TMEM108: variants seen among roughly 807,000 people sequenced by gnomAD.
TMEM108 encodes the protein cancer/testis antigen 124.
TMEM108 carries 12 observed loss-of-function variants against 35.1 expected under a neutral mutation model. The observed-to-expected ratio is 0.34, with a 90% CI of 0.22 to 0.55. The LOEUF is 0.55. Among genes scored for constraint, TMEM108 ranks in the 20% least tolerant of loss-of-function variants. TMEM108 has a pLI of 0.89. For missense variants in TMEM108, 680 were observed against 753.3 expected, an observed-to-expected ratio of 0.90 and a Z score of 1.14; for synonymous variants, 287 against 308.6, an observed-to-expected ratio of 0.93 and a Z score of 0.73.
intron 3 of TMEM108, among the ~76,000 whole-genome samples, chr3:133,364,868 A>G (rs1032823249): frequency 6.6e-6 from 1 of 152,222 alleles, no homozygotes; most frequent in Non-Finnish European, 1.5e-5. Context: ...TCAGGAAAGT[A>G]AGAGAAGCCG....
chr3:133,236,104 T>G (rs1427802615), intron 3 of TMEM108, among the ~76,000 whole-genome samples: 1 of 152,132 alleles, frequency 6.6e-6, no homozygotes, highest in Non-Finnish European at 1.5e-5. Context: ...ATCAGAATAG[T>G]TTAAATACTT....
intron 3 of TMEM108, among the ~76,000 whole-genome samples, chr3:133,303,941 A>G (rs1370310930): frequency 1.3e-5 from 2 of 152,144 alleles, no homozygotes; most frequent in East Asian, 1.9e-4. Context: ...GGCTCATGCT[A>G]CATAATCCAG....
chr3:133,331,627 C>T (rs989616125), intron 3 of TMEM108, among the ~76,000 whole-genome samples: 7 of 152,180 alleles, frequency 4.6e-5, no homozygotes, highest in East Asian at 1.9e-4. Context: ...TATGTCAGTG[C>T]CATTTATAGA....
chr3:133,268,004 T>A (rs1198409543), intron 3 of TMEM108, among the ~76,000 whole-genome samples: 3 of 152,200 alleles, frequency 2.0e-5, no homozygotes, highest in Non-Finnish European at 4.4e-5. Flanking sequence ...ATTGAGTAGA[T>A]CTTGAAGCTG....
At chr3:133,135,597 A>G (rs1399887603) in intron 2 of TMEM108, among the ~76,000 whole-genome samples, 1 of 152,222 alleles carries the variant, frequency 6.6e-6, no homozygotes, top group East Asian at 1.9e-4. Flanking sequence ...GGGGACTGGC[A>G]TGATTAGATG....
At chr3:133,317,559 C>G (rs2107716186) in intron 3 of TMEM108, among the ~76,000 whole-genome samples, 1 of 152,070 alleles carries the variant, frequency 6.6e-6, no homozygotes, top group African/African-American at 2.4e-5. Flanking sequence ...AACACCAGAC[C>G]TAATTTTGAA....
At chr3:133,144,792 C>T (rs961970101) in intron 2 of TMEM108, among the ~76,000 whole-genome samples, 8 of 152,208 alleles carry the variant, frequency 5.3e-5, no homozygotes, top group Admixed American at 2.6e-4. Flanking sequence ...TCATGTCCTT[C>T]GCCCACTTTT....
At chr3:133,364,834 G>A (rs2072456939) in intron 3 of TMEM108, among the ~76,000 whole-genome samples, 1 of 152,186 alleles carries the variant, frequency 6.6e-6, no homozygotes, top group African/African-American at 2.4e-5. Flanking sequence ...AGGTTTTCCA[G>A]AAGTACTGCC....
intron 3 of TMEM108, among the ~76,000 whole-genome samples, chr3:133,370,746 C>T (rs955358008): frequency 1.3e-5 from 2 of 152,166 alleles, no homozygotes; most frequent in Non-Finnish European, 2.9e-5. Context: ...TGAGTTTATG[C>T]TCCTGTCACC....
chr3:133,131,800 A>G (rs1944494240), intron 2 of TMEM108, among the ~76,000 whole-genome samples: 1 of 152,160 alleles, frequency 6.6e-6, no homozygotes, highest in Admixed American at 6.5e-5. Flanking sequence ...AAGGAAATTA[A>G]AAGTCCTACT....
chr3:133,159,136 A>T (rs1379999061), intron 2 of TMEM108, among the ~76,000 whole-genome samples: 2 of 152,214 alleles, frequency 1.3e-5, no homozygotes, highest in African/African-American at 4.8e-5. Context: ...GGTTTCTGAT[A>T]GATCATCCTC....
At chr3:133,228,273 T>A (rs1235392542) in intron 2 of TMEM108, among the ~76,000 whole-genome samples, 8 of 151,618 alleles carry the variant, frequency 5.3e-5, no homozygotes. Flanking sequence ...TAGTAGAGAA[T>A]TGTTAAAGAA....
At chr3:133,078,191 A>T (rs1370637382) in intron 2 of TMEM108, among the ~76,000 whole-genome samples, 1 of 114,920 alleles carries the variant, frequency 8.7e-6, no homozygotes, top group East Asian at 2.5e-4. Context: ...GTGTGTGTAT[A>T]TCTCAGATCT....
chr3:133,125,994 G>GCTGA (rs1944410939), intron 2 of TMEM108, among the ~76,000 whole-genome samples: 1 of 152,096 alleles, frequency 6.6e-6, no homozygotes, highest in African/African-American at 2.4e-5. Context: ...CCGTATGCTG[G>GCTGA]CTGACTGACA....
intron 2 of TMEM108, among the ~76,000 whole-genome samples, chr3:133,052,228 A>T (rs1943413819): frequency 6.6e-6 from 1 of 152,022 alleles, no homozygotes; most frequent in South Asian, 2.1e-4. Context: ...TAAGTATTTC[A>T]TTTTTGGAGA....
intron 4 of TMEM108, among the ~76,000 whole-genome samples, chr3:133,381,688 T>G (rs2073017474): frequency 6.6e-6 from 1 of 152,174 alleles, no homozygotes; most frequent in African/African-American, 2.4e-5. Context: ...CCATCCTCTT[T>G]CTTGTGTTTT....
At chr3:133,052,749 A>G (rs1219510091) in intron 2 of TMEM108, among the ~76,000 whole-genome samples, 1 of 151,998 alleles carries the variant, frequency 6.6e-6, no homozygotes, top group Non-Finnish European at 1.5e-5. Context: ...GGGGGGTGCT[A>G]TTAGCATTTT....
chr3:133,326,008 CA>C lies in TMEM108; in HGVS notation c.41-53743del, dbSNP rs574355158. On this transcript the variant is annotated intron_variant, in intron 3 of 5. Transcript: ENST00000321871. ...GGGAGTATAAATAAATAAGATTGACCACATGTTGATCACTGATGTAGCTGGG... is the reference window on the plus strand; with the variant it reads ...GGGAGTATAAATAAATAAGATTGACCCATGTTGATCACTGATGTAGCTGGG... 3.4e-4 allele frequency among the ~76,000 whole-genome samples: 52 copies of C among 152,052 alleles called. No homozygotes were observed. The East Asian group carries it at 9.3e-3, about 27-fold the overall frequency.
rs1943267440 is a variant in TMEM108, at chr3:133,040,865, G to A, written c.-166+2430G>A. On this transcript the variant is annotated intron_variant, in intron 1 of 5. Transcript: ENST00000321871. The stretch of plus-strand genomic sequence containing the variant: ...CCTTTCTGTCGTTTCTGTCCCCTGG[G>A]TCAGGGACGGGGAACATAGAGAGTG... Among the ~76,000 whole-genome samples, 5 of 152,200 alleles carry A rather than the reference G, an allele frequency of 3.3e-5. No homozygotes were observed. The South Asian group carries it at 1.0e-3, about 32-fold the overall frequency.
Sources: allele counts gnomAD v4.1 joint callset (sites outside exome capture counted in the v4.1 genomes callset), GRCh38; gene constraint gnomAD v4.1.1; transcripts MANE v1.5; gene names NCBI Gene and HGNC (gene_info 2026-07-23, HGNC 2026-07-21).